The following CD6 variants were observed in gnomAD, a reference collection of about 807,000 sequenced individuals.
CD6 encodes the protein CD6 molecule.
CD6 carries 53 observed loss-of-function variants against 75.3 expected under a neutral mutation model. The observed-to-expected ratio is 0.70, with a 90% CI of 0.56 to 0.88. The LOEUF is 0.88. Ranked by LOEUF, CD6 falls within the 40% of genes least tolerant of loss-of-function variation. CD6 has a pLI of 0.00. For missense variants in CD6, 770 were observed against 897.1 expected (o/e 0.86, Z 1.81); for synonymous variants, 359 against 381.5 (o/e 0.94, Z 0.69).
chr11:60,977,055 A>G (rs1261350388), intron 1 of CD6, among the ~76,000 whole-genome samples: 1 of 152,130 alleles, frequency 6.6e-6, no homozygotes, highest in Non-Finnish European at 1.5e-5. Context: ...GGGGCCATGG[A>G]ACGGGGTAGC....
intron 1 of CD6, among the ~76,000 whole-genome samples, chr11:60,996,820 T>C (rs1309932952): frequency 6.6e-6 from 1 of 152,146 alleles, no homozygotes; most frequent in Non-Finnish European, 1.5e-5. Context: ...GGGATACTCT[T>C]CCTTTGGGCC....
chr11:61,011,174 T>G, intron 6 of CD6, 39 bp downstream of exon 6: 1 of 1,387,468 alleles, frequency 7.2e-7, no homozygotes, highest in Middle Eastern at 1.8e-4. Flanking sequence ...CTCAGAAGCT[T>G]GGACGTGTGT....
chr11:61,011,033 A>C lies in CD6; in HGVS notation c.1085-37A>C, dbSNP rs776735105. The C allele has an allele frequency of 5.0e-6, 8 of 1,584,638 alleles. No individual in the cohort carries two copies. The South Asian group carries it at 7.7e-5, about 15-fold the overall frequency. On this transcript the variant is annotated intron_variant, in intron 5 of 12. Transcript: ENST00000313421. ...GCCTGGCACACAGTAGGTGCTCAGT[A>C]ACATGCATTGAGTGACTGGGCGGTG...
chr11:60,985,319 G>T (rs976149093), intron 1 of CD6, among the ~76,000 whole-genome samples: 1 of 151,532 alleles, frequency 6.6e-6, no homozygotes, highest in Non-Finnish European at 1.5e-5. Flanking sequence ...AAGTAGCTGG[G>T]ATTACAGGCA....
chr11:61,010,626 G>A (rs1467296983), intron 5 of CD6, among the ~76,000 whole-genome samples: 2 of 152,164 alleles, frequency 1.3e-5, no homozygotes, highest in Non-Finnish European at 2.9e-5. Context: ...TAGGCACTTC[G>A]CAGGATAGCT....
chr11:60,987,659 C>G (rs1435037334), intron 1 of CD6, among the ~76,000 whole-genome samples: 3 of 152,032 alleles, frequency 2.0e-5, no homozygotes, highest in Non-Finnish European at 4.4e-5. Flanking sequence ...CACTCATCCT[C>G]TGGAGAGATG....
At chr11:60,972,127 TGACA>T (rs1857206844) in intron 1 of CD6, among the ~76,000 whole-genome samples, 1 of 151,772 alleles carries the variant, frequency 6.6e-6, no homozygotes, top group Admixed American at 6.6e-5. Context: ...CCTCCTGGAG[TGACA>T]GAATGTGGGA....
intron 1 of CD6, among the ~76,000 whole-genome samples, chr11:61,002,178 T>C (rs780752185): frequency 8.5e-5 from 13 of 152,236 alleles, no homozygotes; most frequent in Non-Finnish European, 1.5e-4. Context: ...TAAGATGCCA[T>C]GCTGTAAATG....
intron 1 of CD6, among the ~76,000 whole-genome samples, chr11:60,993,894 C>T (rs1858165310): frequency 6.6e-6 from 1 of 152,202 alleles, no homozygotes; most frequent in African/African-American, 2.4e-5. Flanking sequence ...TTCAGGAGAA[C>T]ATGGCTCACG....
In CD6 at chr11:60,971,810, C is replaced by G. The variant is rs554500581; in HGVS notation, c.-56C>G. On this transcript the variant is annotated 5_prime_UTR_variant, in exon 1 of 13. Coordinates refer to ENST00000313421, the MANE Select transcript of CD6 (RefSeq NM_006725.5). ...CAACGGCCGTGTCCACCTCCCGGCC[C>G]CAAGATGGTGCTTCCCACAGGCAGC... The G allele has an allele frequency of 4.4e-6, 7 of 1,592,198 alleles. No homozygotes were observed. In the African/African-American group the frequency reaches 9.4e-5, roughly 21 times the overall value.
Position 61,008,857 on chromosome 11 carries a change from G to C in CD6, c.781+12G>C, listed in dbSNP as rs1370277727. On this transcript the variant is annotated intron_variant, in intron 4 of 12. Coordinates refer to ENST00000313421, the MANE Select transcript of CD6 (RefSeq NM_006725.5). The stretch of plus-strand genomic sequence containing the variant: ...CGCGGTGTGCTCAGGTCAGTGGGCG[G>C]AGTCACTGAAGCCCGGTCACTACCA... 1 of 1,521,440 alleles carries C rather than the reference G, an allele frequency of 6.6e-7. No individual in the cohort carries two copies. The allele number at this position is 1,521,440 out of a possible 1,614,324, so 94.2% of individuals were successfully genotyped here.
intron 10 of CD6, 69 bp from the exon 11 acceptor site, chr11:61,017,690 C>T: frequency 6.2e-7 from 1 of 1,602,408 alleles, no homozygotes; most frequent in Non-Finnish European, 8.5e-7. Flanking sequence ...TAAGTGCTTT[C>T]TGAAGTCTGA....
chr11:60,984,632 C>G (rs1332661266), intron 1 of CD6, among the ~76,000 whole-genome samples: 1 of 152,226 alleles, frequency 6.6e-6, no homozygotes, highest in East Asian at 1.9e-4. Context: ...AACATAAACA[C>G]ATTTTTAAAA....
intron 1 of CD6, among the ~76,000 whole-genome samples, chr11:60,987,725 C>T (rs75152709): frequency 2.0e-5 from 1 of 49,214 alleles, no homozygotes; most frequent in African/African-American, 3.8e-5. Flanking sequence ...ATCTTTCCAT[C>T]GATTTCTTAC....
At chr11:60,995,122 C>A (rs924553976) in intron 1 of CD6, among the ~76,000 whole-genome samples, 7 of 133,216 alleles carry the variant, frequency 5.3e-5, no homozygotes, top group African/African-American at 2.1e-4. Context: ...CCAGCGCATG[C>A]GTCTTTTTTT....
At chr11:60,987,871 C>A (rs573459981) in intron 1 of CD6, 1 of 152,302 alleles carries the variant, frequency 6.6e-6, no homozygotes, top group Admixed American at 6.5e-5. Flanking sequence ...TATAACTGAT[C>A]GTAATCAACC....
chr11:60,997,378 C>CA (rs761587409), intron 1 of CD6, among the ~76,000 whole-genome samples: 3,020 of 79,376 alleles, frequency 0.038, 36 homozygotes, highest in African/African-American at 0.065. Context: ...GACTCCGTCT[C>CA]AAAAAAAAAA....
intron 1 of CD6, among the ~76,000 whole-genome samples, chr11:60,985,393 C>T (rs370494323): frequency 2.0e-5 from 3 of 151,930 alleles, no homozygotes; most frequent in East Asian, 3.9e-4. Context: ...CCATGTTAGC[C>T]AGGCTGGTCT....
chr11:61,002,846 G>A (rs751239621), intron 1 of CD6, among the ~76,000 whole-genome samples: 3 of 152,134 alleles, frequency 2.0e-5, no homozygotes, highest in Non-Finnish European at 4.4e-5. Context: ...AGCGAGGGAC[G>A]GTGGAACTCT....
Sources: gnomAD v4.1 joint callset for allele counts (sites outside exome capture counted in the v4.1 genomes callset) on GRCh38, gnomAD v4.1.1 for gene constraint, MANE v1.5 for transcripts, NCBI Gene and HGNC (gene_info 2026-07-23, HGNC 2026-07-21) for gene names.